Variants in CDH10 observed in about 807,000 individuals in gnomAD.
The protein encoded by CDH10 is cadherin-10.
In CDH10, 30 loss-of-function variants were observed where a neutral mutation model predicts 73.1. That is an observed-to-expected ratio of 0.41 (90% CI 0.31 to 0.56). The LOEUF is 0.56. CDH10 is among the 20% of genes least tolerant of loss of function. The probability of loss-of-function intolerance (pLI) is 0.27; values close to 1 mark genes in which losing one functional copy is unlikely to be tolerated. For missense variants in CDH10, 815 were observed against 973.7 expected (o/e 0.84, Z 2.17); for synonymous variants, 345 against 348.2 (o/e 0.99, Z 0.10).
rs1743459800 is a variant in CDH10 at position 24,524,657 on chromosome 5, T to C, written c.814+10455A>G. ...TATTTCTTCCTGGTGGGTACATTCTTAGTATGGTTACCCATTTAAGCACAA... is the reference window on the plus strand; with the variant it reads ...TATTTCTTCCTGGTGGGTACATTCTCAGTATGGTTACCCATTTAAGCACAA... On this transcript the variant is annotated intron_variant, in intron 5 of 11. Coordinates refer to ENST00000264463, the MANE Select transcript of CDH10 (RefSeq NM_006727.5). Among the ~76,000 whole-genome samples the C allele has an allele frequency of 1.3e-5, 2 of 152,118 alleles. 1 individual carries two copies. Among genetic ancestry groups the C allele is most frequent in the South Asian group, 4.1e-4 (2 of 4,832 alleles).
chr5:24,567,307 A>G (rs1027130993), intron 2 of CDH10, among the ~76,000 whole-genome samples: 1 of 151,906 alleles, frequency 6.6e-6, no homozygotes, highest in African/African-American at 2.4e-5. Context: ...CATTAAGTTA[A>G]CACATCCCTA....
intron 1 of CDH10, among the ~76,000 whole-genome samples, chr5:24,616,593 T>C (rs1747137018): frequency 6.6e-6 from 1 of 152,138 alleles, no homozygotes; most frequent in African/African-American, 2.4e-5. Context: ...ACTTTCTATA[T>C]TTAAAAAAAG....
At chr5:24,551,621 A>G (rs1329846146) in intron 2 of CDH10, among the ~76,000 whole-genome samples, 3 of 152,026 alleles carry the variant, frequency 2.0e-5, no homozygotes, top group Admixed American at 1.3e-4. Flanking sequence ...ATTCACTTTC[A>G]CCACGGAGAT....
At chr5:24,608,482 G>A (rs1173929816) in intron 1 of CDH10, among the ~76,000 whole-genome samples, 2 of 151,892 alleles carry the variant, frequency 1.3e-5, no homozygotes, top group Non-Finnish European at 2.9e-5. Flanking sequence ...TAGTAGAGAC[G>A]GGGTTTCACC....
intron 3 of CDH10, 82 bp from the exon 4 acceptor site, chr5:24,535,904 G>GAAA: frequency 9.9e-7 from 1 of 1,014,010 alleles, no homozygotes; most frequent in Non-Finnish European, 1.4e-6. Flanking sequence ...AGACTTGAAT[G>GAAA]ATTTCTGGCT....
At chr5:24,556,644 T>G (rs966213599) in intron 2 of CDH10, among the ~76,000 whole-genome samples, 5 of 151,758 alleles carry the variant, frequency 3.3e-5, no homozygotes, top group African/African-American at 1.2e-4. Flanking sequence ...ATTAAACATC[T>G]TTTTTGGTTA....
intron 1 of CDH10, among the ~76,000 whole-genome samples, chr5:24,600,964 G>A (rs1470187625): frequency 1.3e-5 from 2 of 151,784 alleles, no homozygotes; most frequent in South Asian, 2.1e-4. Flanking sequence ...TGGGCCCTAG[G>A]CAGTTTGTAT....
chr5:24,619,415 A>G (rs201767537), intron 1 of CDH10, among the ~76,000 whole-genome samples: 4 of 152,026 alleles, frequency 2.6e-5, no homozygotes, highest in African/African-American at 4.8e-5. Context: ...GGATGGTCTC[A>G]ATCTCCTGAC....
At chr5:24,511,244 T>A in intron 6 of CDH10, 83 bp downstream of exon 6, 1 of 815,382 alleles carries the variant, frequency 1.2e-6, no homozygotes, top group East Asian at 2.5e-5. Flanking sequence ...TATTTCCCAA[T>A]GGATCATTCA....
At chr5:24,504,685 C>A (rs1279716176) in intron 8 of CDH10, among the ~76,000 whole-genome samples, 2 of 151,656 alleles carry the variant, frequency 1.3e-5, no homozygotes, top group Non-Finnish European at 2.9e-5. Flanking sequence ...GCCACCATGC[C>A]CGGCTAATTT....
Position 24,593,702 on chromosome 5 carries a change from T to C in CDH10, c.-123-89A>G, listed in dbSNP as rs1001066123. ...AAAATTTAAAGTGACAATAGTTTAT[T>C]AATAACAACCAAAACATTCATTTTC... On this transcript the variant is annotated intron_variant, in intron 1 of 11. Transcript: ENST00000264463. The C allele has an allele frequency of 7.7e-6, 4 of 517,544 alleles. No individual in the cohort carries two copies. The African/African-American group carries it at 7.9e-5, about 10-fold the overall frequency. The allele number at this position is 517,544 out of a possible 1,614,324, so 32.1% of individuals were successfully genotyped here. A position where few individuals can be genotyped will look rare whatever the true frequency, so the allele number is the denominator to read the frequency against.
intron 5 of CDH10, among the ~76,000 whole-genome samples, chr5:24,527,327 ATATT>A (rs1472301157): frequency 6.8e-6 from 1 of 148,048 alleles, no homozygotes; most frequent in East Asian, 1.9e-4. Flanking sequence ...AGTCTTATAT[ATATT>A]TATATAATCA....
intron 2 of CDH10, among the ~76,000 whole-genome samples, chr5:24,584,250 C>T (rs769162300): frequency 4.6e-5 from 7 of 151,774 alleles, no homozygotes; most frequent in Non-Finnish European, 8.8e-5. Context: ...GTAATTATAC[C>T]AATATTTTCT....
intron 11 of CDH10, 24 bp downstream of exon 11, chr5:24,491,552 C>A (rs2111635262): frequency 1.9e-6 from 3 of 1,586,648 alleles, no homozygotes; most frequent in South Asian, 2.3e-5. Context: ...AGAAAATGCT[C>A]CCATTGTTTT....
intron 5 of CDH10, among the ~76,000 whole-genome samples, chr5:24,531,664 G>A (rs151053250): frequency 2.2e-4 from 33 of 152,062 alleles, no homozygotes; most frequent in Non-Finnish European, 3.2e-4. Flanking sequence ...AGAATAGCAC[G>A]GGAAAGACCA....
intron 1 of CDH10, among the ~76,000 whole-genome samples, chr5:24,640,254 G>C (rs1209534165): frequency 6.6e-6 from 1 of 151,108 alleles, no homozygotes; most frequent in African/African-American, 2.4e-5. Context: ...GAGAGAAAAG[G>C]AAAAAAGAGA....
At chr5:24,585,632 C>T (rs1320901977) in intron 2 of CDH10, among the ~76,000 whole-genome samples, 1 of 152,102 alleles carries the variant, frequency 6.6e-6, no homozygotes, top group Non-Finnish European at 1.5e-5. Flanking sequence ...CCATATTGTC[C>T]AGGCTGGTCT....
chr5:24,493,570 T>C (rs544052789), intron 9 of CDH10, among the ~76,000 whole-genome samples: 44 of 151,980 alleles, frequency 2.9e-4, no homozygotes, highest in African/African-American at 1.0e-3. Flanking sequence ...TAATATATAA[T>C]CAGATCACTG....
intron 2 of CDH10, among the ~76,000 whole-genome samples, chr5:24,588,378 G>A (rs1746091018): frequency 1.3e-5 from 2 of 152,102 alleles, no homozygotes; most frequent in Admixed American, 1.3e-4. Flanking sequence ...GTAAACAGTT[G>A]TTTTTTATGT....
Sources: allele counts gnomAD v4.1 joint callset (sites outside exome capture counted in the v4.1 genomes callset), GRCh38; gene constraint gnomAD v4.1.1; transcripts MANE v1.5; gene names NCBI Gene and HGNC (gene_info 2026-07-23, HGNC 2026-07-21).